MGAT4C: variants seen among roughly 807,000 people sequenced by gnomAD.
MGAT4C encodes the protein MGAT4 family member C.
MGAT4C carries 19 observed loss-of-function variants against 40.1 expected under a neutral mutation model. The observed-to-expected ratio is 0.47, with a 90% CI of 0.33 to 0.70. The LOEUF is 0.70. Ranked by LOEUF, MGAT4C falls within the 30% of genes least tolerant of loss-of-function variation. MGAT4C has a pLI of 0.02. For missense variants in MGAT4C, 491 were observed against 563.2 expected (o/e 0.87, Z 1.30); for synonymous variants, 181 against 187.1 (o/e 0.97, Z 0.27).
At chr12:86,021,541 G>T (rs113246681) in intron 2 of MGAT4C, among the ~76,000 whole-genome samples, 12,636 of 140,200 alleles carry the variant, frequency 0.09, 1,250 homozygotes, top group African/African-American at 0.25. Context: ...TGAACAATGA[G>T]AACACATGGA....
chr12:86,382,334 G>T (rs1216402131), intron 3 of MGAT4C, among the ~76,000 whole-genome samples: 2 of 152,208 alleles, frequency 1.3e-5, no homozygotes, highest in Non-Finnish European at 2.9e-5. Context: ...TTGAACTAGA[G>T]AAAGATGATT....
At position 85,971,551 on chromosome 12, in the gene MGAT4C, G is replaced by C. The variant is rs1353774593; in HGVS notation, c.*7738C>G. 6.6e-6 allele frequency: 1 copy of C among 151,138 alleles called. No individual in the cohort carries two copies. The highest frequency in any genetic ancestry group is 2.4e-5 in the African/African-American group (1 of 41,322). 9.4% of individuals were successfully genotyped at this position (151,138 alleles called of 1,614,324 possible). On this transcript the variant is annotated 3_prime_UTR_variant, in exon 5 of 5. Transcript: ENST00000611864. ...AAAGTGTTTATCCACTTAGTAAAAT[G>C]GAAAACACTAGAGCTTCAGGTTTAA...
At chr12:86,721,060 T>G (rs1338337565) in intron 2 of MGAT4C, among the ~76,000 whole-genome samples, 1 of 152,094 alleles carries the variant, frequency 6.6e-6, no homozygotes, top group African/African-American at 2.4e-5. Flanking sequence ...GAATCTCATA[T>G]GTGTTTGCTG....
In MGAT4C at chr12:86,138,494, T is replaced by TATATATATCATATATATATTTCCAC. The variant is rs1566037254; in HGVS notation, c.-56-88772_-56-88771insGTGGAAATATATATATGATATATAT. The stretch of plus-strand genomic sequence containing the variant: ...ATATATATCCATATATATATTTCCA[T>TATATATATCATATATATATTTCCAC]ATATATATCATGTATATATTTCCAT... On this transcript the variant is annotated intron_variant, in intron 1 of 4. Transcript: ENST00000611864. Among the ~76,000 whole-genome samples the TATATATATCATATATATATTTCCAC allele has an allele frequency of 2.2e-4, 32 of 147,794 alleles. 1 individual carries two copies. The highest frequency in any genetic ancestry group is 6.6e-4 in the African/African-American group (27 of 40,638).
At chr12:86,592,436 T>A (rs1961366313) in intron 2 of MGAT4C, among the ~76,000 whole-genome samples, 1 of 152,150 alleles carries the variant, frequency 6.6e-6, no homozygotes, top group South Asian at 2.1e-4. Context: ...AAAAGTGTTA[T>A]CAAACTGTAT....
chr12:86,683,627 C>T (rs980711917), intron 2 of MGAT4C, among the ~76,000 whole-genome samples: 10 of 152,124 alleles, frequency 6.6e-5, no homozygotes, highest in African/African-American at 2.4e-4. Context: ...GCTAATTTGT[C>T]TTATGTTAAA....
intron 2 of MGAT4C, among the ~76,000 whole-genome samples, chr12:86,613,460 C>A (rs1962350301): frequency 6.6e-6 from 1 of 152,060 alleles, no homozygotes; most frequent in African/African-American, 2.4e-5. Flanking sequence ...ATGGGATGCC[C>A]TGAGGCTGTT....
At position 86,532,468 on chromosome 12, in the gene MGAT4C, A is replaced by C. The variant is rs181495485; in HGVS notation, c.-228-97203T>G. On this transcript the variant is annotated intron_variant, in intron 2 of 7. Transcript: ENST00000548651. ...GATTTTAACAATGTAGAAAATTTGT[A>C]CACCACAGTAATTTTTCTGGGAGCA... Among the ~76,000 whole-genome samples, 18 of 152,170 alleles carry C rather than the reference A, an allele frequency of 1.2e-4. No individual in the cohort carries two copies. The East Asian group carries it at 3.3e-3, about 28-fold the overall frequency.
At chr12:86,096,417 C>T (rs968321282) in intron 1 of MGAT4C, among the ~76,000 whole-genome samples, 1 of 146,784 alleles carries the variant, frequency 6.8e-6, no homozygotes, top group Admixed American at 6.7e-5. Context: ...CCCCTCCCCT[C>T]CCCTTCCCTT....
rs114377028 is a variant in MGAT4C, at chr12:86,112,430, C to T, written c.-56-62707G>A. The stretch of plus-strand genomic sequence containing the variant: ...AATGCCATGAGTATCTTGGGAAATA[C>T]CAATAGTGGCAGACAGCATTGCCCC... On this transcript the variant is annotated intron_variant, in intron 1 of 4. Coordinates refer to ENST00000611864, the MANE Select transcript of MGAT4C (RefSeq NM_001351288.2). Among the ~76,000 whole-genome samples, 437 of 151,268 alleles carry T rather than the reference C, an allele frequency of 2.9e-3. 2 individuals carry two copies. The highest frequency in any genetic ancestry group is 9.8e-3 in the African/African-American group (404 of 41,306).
At chr12:86,224,414 A>G (rs187098750) in intron 1 of MGAT4C, among the ~76,000 whole-genome samples, 48 of 152,114 alleles carry the variant, frequency 3.2e-4, no homozygotes, top group Admixed American at 1.3e-3. Flanking sequence ...AAAATCAATG[A>G]AAAAAAAGGG....
At chr12:86,218,547 G>A (rs1297468685) in intron 1 of MGAT4C, among the ~76,000 whole-genome samples, 1 of 151,972 alleles carries the variant, frequency 6.6e-6, no homozygotes. Flanking sequence ...CCTTTTTTGA[G>A]TTCTATTTGT....
chr12:86,191,201 GA>G (rs983617551), intron 1 of MGAT4C, among the ~76,000 whole-genome samples: 10 of 151,584 alleles, frequency 6.6e-5, no homozygotes, highest in African/African-American at 2.4e-4. Flanking sequence ...AATGGTTCTA[GA>G]AGGACAGACT....
chr12:86,712,160 G>T (rs1950567304), intron 2 of MGAT4C, among the ~76,000 whole-genome samples: 1 of 151,932 alleles, frequency 6.6e-6, no homozygotes, highest in Non-Finnish European at 1.5e-5. Context: ...TACGTTTGGA[G>T]AATAAATAAC....
intron 1 of MGAT4C, among the ~76,000 whole-genome samples, chr12:86,834,899 C>T (rs1176017181): frequency 6.6e-6 from 1 of 151,902 alleles, no homozygotes; most frequent in African/African-American, 2.4e-5. Flanking sequence ...TTTGTGTCCA[C>T]ATTTTGACCT....
intron 3 of MGAT4C, among the ~76,000 whole-genome samples, chr12:86,353,001 AAAACTT>A (rs375063512): frequency 0.084 from 12,608 of 150,872 alleles, 735 homozygotes; most frequent in Middle Eastern, 0.22. Context: ...CATGTACCCT[AAAACTT>A]AAAGTATAAT....
chr12:86,709,321 A>C (rs1950516743), intron 2 of MGAT4C, among the ~76,000 whole-genome samples: 1 of 152,186 alleles, frequency 6.6e-6, no homozygotes, highest in South Asian at 2.1e-4. Flanking sequence ...TAAGTCCATT[A>C]AACCTCTTTC....
intron 1 of MGAT4C, among the ~76,000 whole-genome samples, chr12:86,800,996 C>A (rs943790793): frequency 6.6e-6 from 1 of 151,892 alleles, no homozygotes; most frequent in African/African-American, 2.4e-5. Flanking sequence ...ATCACTCTGG[C>A]CTGCCTTCAG....
At chr12:86,570,618 G>A (rs919616528) in intron 2 of MGAT4C, among the ~76,000 whole-genome samples, 8 of 152,032 alleles carry the variant, frequency 5.3e-5, no homozygotes, top group African/African-American at 9.7e-5. Context: ...AAAACAAATG[G>A]AAAGACACCT....
Sources: gnomAD v4.1 joint callset for allele counts (sites outside exome capture counted in the v4.1 genomes callset) on GRCh38, gnomAD v4.1.1 for gene constraint, MANE v1.5 for transcripts, NCBI Gene and HGNC (gene_info 2026-07-23, HGNC 2026-07-21) for gene names.